Variants in CSRP3 observed in about 807,000 individuals in gnomAD.
The protein encoded by CSRP3 is cysteine and glycine-rich protein 3.
In CSRP3, 24 loss-of-function variants were observed where a neutral mutation model predicts 24.3. The ratio of observed to expected loss-of-function variants is 0.99; its 90% CI spans 0.71 to 1.39. The LOEUF is 1.39. CSRP3 is among the 40% of genes most tolerant of loss of function. The pLI is 0.00. For missense variants in CSRP3, 240 were observed against 249.0 expected, an observed-to-expected ratio of 0.96 and a Z score of 0.24; for synonymous variants, 105 against 94.0, an observed-to-expected ratio of 1.12 and a Z score of -0.68.
In CSRP3 at chr11:19,182,641, G is replaced by A. The variant is rs779471970; in HGVS notation, c.*29C>T. 4.1e-5 allele frequency: 66 copies of A among 1,596,488 alleles called. No individual in the cohort carries two copies. The highest frequency in any genetic ancestry group is 4.6e-5 in the Non-Finnish European group (53 of 1,164,072). ...ATTACTTGGCAAGTGTTTTAGGCTC[G>A]CAAAAAATCTGAGAAACGGCGCACC... On this transcript the variant is annotated 3_prime_UTR_variant, in exon 6 of 6. Coordinates refer to ENST00000265968, the MANE Select transcript of CSRP3 (RefSeq NM_003476.5).
In CSRP3 at chr11:19,188,196, C is replaced by A; in HGVS notation, c.221G>T (p.Gly74Val). 6.2e-7 allele frequency: 1 copy of A among 1,613,982 alleles called. No individual in the cohort carries two copies. The part of the protein sequence containing the change: ...RRYGPKGIGY[G>V]QGAGCLSTDT... ...TGTGCTGAGACAGCCAGCGCCTTGT[C>A]CATACCCGATCCCTTTGGGGCCATA... is the stretch of plus-strand genomic sequence containing the variant. Residue 74 changes from glycine to valine, a missense_variant, in exon 3 of 6, where the codon GGA (glycine) becomes GTA (valine). Transcript: ENST00000265968.
At chr11:19,184,442 A>C (rs192180401) in intron 5 of CSRP3, among the ~76,000 whole-genome samples, 5 of 152,328 alleles carry the variant, frequency 3.3e-5, no homozygotes, top group Admixed American at 2.6e-4. Flanking sequence ...TATGATCACT[A>C]AGTAACGTGC....
chr11:19,200,504 C>G (rs1019000786), intron 1 of CSRP3, among the ~76,000 whole-genome samples: 2 of 152,110 alleles, frequency 1.3e-5, no homozygotes, highest in Non-Finnish European at 1.5e-5. Flanking sequence ...TTCCTTCCCC[C>G]CTTCTCTCCT....
rs1005608817 is a variant in CSRP3 at position 19,184,966 on chromosome 11, T to C, written c.494A>G (p.Glu165Gly). Residue 165 changes from glutamate to glycine, a missense_variant, in exon 5 of 6, where the codon GAA (glutamate) becomes GGA (glycine). By Grantham distance (98) the Glu-to-Gly change is moderately conservative. Transcript: ENST00000265968. ...ESTNVTDKDGELYCKVCYAKN... is the reference protein window; with the variant it reads ...ESTNVTDKDGGLYCKVCYAKN... ...GAATCACTCACCTTTGCAATAAAGT[T>C]CCCCATCTTTGTCAGTGACATTTGT... 2 of 1,612,774 alleles carry C rather than the reference T, an allele frequency of 1.2e-6. No individual in the cohort carries two copies. Among genetic ancestry groups the C allele is most frequent in the South Asian group, 2.2e-5 (2 of 91,064 alleles).
chr11:19,186,098 T>C, intron 4 of CSRP3, 118 bp downstream of exon 4: 1 of 1,343,706 alleles, frequency 7.4e-7, no homozygotes, highest in Non-Finnish European at 1.1e-6. Context: ...GTTTCTAAAG[T>C]TGTTCTGGGA....
rs773476497 is a variant in CSRP3 at position 19,188,156 on chromosome 11, A to G, written c.261T>C (p.His87=). ...AGCLSTDTGE[H]LGLQFQQSPK... Reference sequence around the variant, plus strand: ...CTCACTGTTGGAACTGCAGGCCGAGATGCTCGCCCGTGTCTGTGCTGAGAC... The same window carrying G: ...CTCACTGTTGGAACTGCAGGCCGAGGTGCTCGCCCGTGTCTGTGCTGAGAC... The change falls in exon 3 of 6, where the codon CAT becomes CAC. Residue 87 remains histidine (H), a synonymous_variant. Coordinates refer to ENST00000265968, the MANE Select transcript of CSRP3 (RefSeq NM_003476.5). 9.3e-6 allele frequency: 15 copies of G among 1,614,148 alleles called. No homozygotes were observed. The highest frequency in any genetic ancestry group is 4.5e-5 in the East Asian group (2 of 44,880).
intron 2 of CSRP3, 110 bp from the exon 3 acceptor site, chr11:19,188,414 C>T: frequency 9.3e-7 from 1 of 1,080,112 alleles, no homozygotes; most frequent in Non-Finnish European, 1.4e-6. Context: ...GGCCCCTGAG[C>T]CAAGAATACA....
rs145073736 is a variant in CSRP3 at position 19,182,687 on chromosome 11, C to A, written c.568G>T (p.Val190Leu). 56 of 1,614,028 alleles carry A rather than the reference C, an allele frequency of 3.5e-5. No homozygotes were observed. The highest frequency in any genetic ancestry group is 3.3e-4 in the Middle Eastern group (2 of 6,084). Residue 190 changes from valine to leucine, a missense_variant, in exon 6 of 6, where the codon GTG (valine) becomes TTG (leucine). Val to Leu is a conservative substitution (Grantham distance 32, BLOSUM62 1). Coordinates refer to ENST00000265968, the MANE Select transcript of CSRP3 (RefSeq NM_003476.5). ...GIGFGGLTQQ[V>L]EKKE ...GCACCTCTTCATTCTTTCTTTTCCA[C>A]TTGTTGTGTAAGGCCTCCAAACCCA...
In CSRP3 at chr11:19,186,210, T is replaced by C. The variant is rs745491806; in HGVS notation, c.414+6A>G. ...AATTCTGTCTGGCTCATACAGAAGGTCTTACCTTGCCACCTCCCATAACCT... is the reference window on the plus strand; with the variant it reads ...AATTCTGTCTGGCTCATACAGAAGGCCTTACCTTGCCACCTCCCATAACCT... On this transcript the variant is annotated splice_donor_region_variant and intron_variant, in intron 4 of 5. Coordinates refer to ENST00000265968, the MANE Select transcript of CSRP3 (RefSeq NM_003476.5). The C allele has an allele frequency of 3.7e-6, 6 of 1,614,032 alleles. No homozygotes were observed. In the East Asian group the frequency reaches 1.3e-4, roughly 36 times the overall value.
At chr11:19,196,022 A>T (rs1218124319) in intron 1 of CSRP3, among the ~76,000 whole-genome samples, 1 of 152,166 alleles carries the variant, frequency 6.6e-6, no homozygotes, top group East Asian at 1.9e-4. Flanking sequence ...TAATCCCAGG[A>T]CTGAGGCCGA....
At chr11:19,198,974 T>A (rs186210934) in intron 1 of CSRP3, among the ~76,000 whole-genome samples, 133 of 152,370 alleles carry the variant, frequency 8.7e-4, no homozygotes, top group African/African-American at 3.1e-3. Flanking sequence ...ATTATTGTTG[T>A]TATTACATTA....
chr11:19,192,212 T>C, intron 2 of CSRP3, 125 bp downstream of exon 2: 2 of 738,968 alleles, frequency 2.7e-6, no homozygotes, highest in South Asian at 1.5e-5. Flanking sequence ...TCCCAGGTAA[T>C]GCTGATGCTG....
chr11:19,199,830 C>T (rs1249467959), intron 1 of CSRP3, among the ~76,000 whole-genome samples: 2 of 152,194 alleles, frequency 1.3e-5, no homozygotes, highest in Non-Finnish European at 2.9e-5. Flanking sequence ...GGATGAATAA[C>T]TGCAGTTTTT....
rs565668237 is a variant in CSRP3 at position 19,182,770 on chromosome 11, G to C, written c.509-24C>G. ...AACTGTGAATGAGAAGAGGATGAAG[G>C]GAGAGACAATGCATTGGTTAGTGCC... On this transcript the variant is annotated intron_variant, in intron 5 of 5. Coordinates refer to ENST00000265968, the MANE Select transcript of CSRP3 (RefSeq NM_003476.5). 1.6e-4 allele frequency: 246 copies of C among 1,575,284 alleles called. 2 individuals are homozygous for C. The South Asian group carries it at 2.6e-3, about 16-fold the overall frequency.
chr11:19,186,569 G>A (rs961221704), intron 3 of CSRP3, among the ~76,000 whole-genome samples: 1 of 152,202 alleles, frequency 6.6e-6, no homozygotes, highest in South Asian at 2.1e-4. Context: ...TGTAGTAAGG[G>A]CTAATAAATG....
intron 3 of CSRP3, among the ~76,000 whole-genome samples, chr11:19,187,839 G>T (rs1213824211): frequency 6.6e-6 from 1 of 152,214 alleles, no homozygotes; most frequent in Non-Finnish European, 1.5e-5. Context: ...GAGACTCCAT[G>T]CAGTTTTGCA....
intron 1 of CSRP3, among the ~76,000 whole-genome samples, chr11:19,200,129 T>C (rs114234305): frequency 4.3e-4 from 65 of 152,350 alleles, no homozygotes; most frequent in African/African-American, 1.5e-3. Context: ...GCTGTATGCC[T>C]TTTCTCAACG....
intron 3 of CSRP3, 108 bp from the exon 4 acceptor site, chr11:19,186,456 C>T (rs575551436): frequency 2.7e-5 from 37 of 1,360,384 alleles, no homozygotes; most frequent in African/African-American, 8.6e-5. Flanking sequence ...TCAGACTCCT[C>T]ATCTGGAAAA....
At chr11:19,192,187 A>T in intron 2 of CSRP3, 150 bp downstream of exon 2, 1 of 701,848 alleles carries the variant, frequency 1.4e-6, no homozygotes, top group Non-Finnish European at 2.6e-6. Flanking sequence ...CCCAAGAGTT[A>T]AATTTCTAAC....
Sources: gnomAD v4.1 joint callset for allele counts (sites outside exome capture counted in the v4.1 genomes callset) on GRCh38, gnomAD v4.1.1 for gene constraint, MANE v1.5 for transcripts, NCBI Gene and HGNC (gene_info 2026-07-23, HGNC 2026-07-21) for gene names.